ADAMTS16: variants seen among roughly 807,000 people sequenced by gnomAD.
ADAMTS16 encodes ADAM metallopeptidase with thrombospondin type 1 motif 16, also known as A disintegrin and metalloproteinase with thrombospondin motifs 16.
Under a neutral mutation model 145.8 loss-of-function variants are expected in ADAMTS16, and 94 were observed. The ratio of observed to expected loss-of-function variants is 0.64; its 90% confidence interval spans 0.55 to 0.77. ADAMTS16 has a LOEUF of 0.77. Among genes scored for constraint, ADAMTS16 ranks in the 30% least tolerant of loss-of-function variants. The probability of loss-of-function intolerance (pLI) is 0.00; values close to 1 mark genes in which losing one functional copy is unlikely to be tolerated. For missense variants in ADAMTS16, 1,585 were observed against 1,591.5 expected (o/e 1.00, Z 0.07); for synonymous variants, 659 against 604.3 (o/e 1.09, Z -1.33).
At chr5:5,240,049 C>A in intron 16 of ADAMTS16, 124 bp downstream of exon 16, 1 of 1,443,392 alleles carries the variant, frequency 6.9e-7, no homozygotes. Flanking sequence ...GTGATCCATC[C>A]ATAGCCGGAA....
At chr5:5,250,673 C>A (rs1737593329) in intron 17 of ADAMTS16, among the ~76,000 whole-genome samples, 1 of 149,456 alleles carries the variant, frequency 6.7e-6, no homozygotes, top group African/African-American at 2.5e-5. Flanking sequence ...AAGAAAGGTA[C>A]TTGAACTGGT....
At chr5:5,206,574 G>C (rs1187468930) in intron 9 of ADAMTS16, among the ~76,000 whole-genome samples, 1 of 151,388 alleles carries the variant, frequency 6.6e-6, no homozygotes, top group Non-Finnish European at 1.5e-5. Context: ...CTGCCTTCCG[G>C]GTTCAAGCGA....
chr5:5,305,815 G>A (rs965850741), intron 20 of ADAMTS16, among the ~76,000 whole-genome samples: 2 of 152,184 alleles, frequency 1.3e-5, no homozygotes, highest in Non-Finnish European at 2.9e-5. Context: ...GCCAGGGGCC[G>A]GGACCTCTGT....
intron 18 of ADAMTS16, among the ~76,000 whole-genome samples, chr5:5,266,795 T>C (rs543488166): frequency 6.6e-6 from 1 of 152,368 alleles, no homozygotes; most frequent in South Asian, 2.1e-4. Context: ...GCTCGTTTAC[T>C]GTCACTCTTA....
chr5:5,140,502 C>A lies in ADAMTS16; in HGVS notation c.35C>A (p.Ala12Glu). 6.6e-7 allele frequency: 1 copy of A among 1,518,836 alleles called. No homozygotes were observed. Among genetic ancestry groups the A allele is most frequent in the East Asian group, 2.6e-5 (1 of 37,882 alleles). The allele number at this position is 1,518,836 out of a possible 1,614,324, so 94.1% of individuals were successfully genotyped here. ...KPRARGWRGL[A>E]ALWMLLAQVA... ...CGCGCGCGCGGATGGCGGGGCTTGG[C>A]GGCGCTGTGGATGCTGTTGGCGCAG... The change falls in exon 1 of 23, where the codon GCG becomes GAG. Residue 12 changes from alanine (A) to glutamate (E), a missense_variant. Coordinates refer to ENST00000274181, the MANE Select transcript of ADAMTS16 (RefSeq NM_139056.4).
In ADAMTS16 at chr5:5,146,133, A is replaced by G. The variant is rs1734286145; in HGVS notation, c.179A>G (p.Tyr60Cys). Residue 60 changes from tyrosine (Y) to cysteine (C), a missense_variant, in exon 3 of 23, where the codon TAT becomes TGT. By Grantham distance (194) the Tyr-to-Cys change is radical (BLOSUM62 -2). Transcript: ENST00000274181. ...ERPGWMEKGE[Y>C]DLVSAYEVDH... ...CTGCTCACTCTTTTGATTTCAGAATATGACCTGGTCTCTGCCTACGAGGTT... is the reference window on the plus strand; with the variant it reads ...CTGCTCACTCTTTTGATTTCAGAATGTGACCTGGTCTCTGCCTACGAGGTT... 1 of 1,611,702 alleles carries G rather than the reference A, an allele frequency of 6.2e-7. No homozygotes were observed. Among genetic ancestry groups the G allele is most frequent in the Non-Finnish European group, 8.5e-7 (1 of 1,178,022 alleles).
chr5:5,205,824 T>C (rs967478403), intron 9 of ADAMTS16, among the ~76,000 whole-genome samples: 2 of 152,250 alleles, frequency 1.3e-5, no homozygotes, highest in African/African-American at 4.8e-5. Context: ...ATTGTAAGTG[T>C]TATTTATATG....
At chr5:5,305,541 T>TACACAC (rs113675807) in intron 20 of ADAMTS16, among the ~76,000 whole-genome samples, 2 of 115,528 alleles carry the variant, frequency 1.7e-5, no homozygotes, top group Non-Finnish European at 3.8e-5. Context: ...TCCCACACCA[T>TACACAC]ACACACACAC....
intron 18 of ADAMTS16, among the ~76,000 whole-genome samples, chr5:5,295,298 A>G (rs558738106): frequency 1.3e-5 from 2 of 152,364 alleles, no homozygotes; most frequent in African/African-American, 4.8e-5. Context: ...CTAATTTGAC[A>G]GCAGTGCTGT....
At position 5,156,817 on chromosome 5, in the gene ADAMTS16, T is replaced by C. The variant is rs1381104420; in HGVS notation, c.501+10362T>C. Among the ~76,000 whole-genome samples the C allele has an allele frequency of 2.0e-5, 3 of 152,192 alleles. No homozygotes were observed. In the East Asian group the frequency reaches 5.8e-4, roughly 29 times the overall value. On this transcript the variant is annotated intron_variant, in intron 3 of 22. Coordinates refer to ENST00000274181, the MANE Select transcript of ADAMTS16 (RefSeq NM_139056.4). ...GAAGGAGAAGTTAGGGTATATCTTCTAGAGGCCTGAGGCCAGACTCTGTAT... is the reference window on the plus strand; with the variant it reads ...GAAGGAGAAGTTAGGGTATATCTTCCAGAGGCCTGAGGCCAGACTCTGTAT...
At chr5:5,206,623 A>T (rs1430835677) in intron 9 of ADAMTS16, among the ~76,000 whole-genome samples, 4 of 151,040 alleles carry the variant, frequency 2.6e-5, no homozygotes, top group Non-Finnish European at 5.9e-5. Context: ...GGGATTACAG[A>T]TGCACACCAC....
chr5:5,185,997 C>T, intron 4 of ADAMTS16, 55 bp from the exon 5 acceptor site: 1 of 1,489,382 alleles, frequency 6.7e-7, no homozygotes, highest in Non-Finnish European at 9.2e-7. Flanking sequence ...GAGTTACGGC[C>T]CTGATTTTGT....
intron 21 of ADAMTS16, among the ~76,000 whole-genome samples, chr5:5,312,095 G>T (rs1216143663): frequency 6.6e-6 from 1 of 152,042 alleles, no homozygotes; most frequent in Non-Finnish European, 1.5e-5. Context: ...AGAATGTTTG[G>T]TCCCAGTCCC....
At chr5:5,197,472 A>T (rs1023563642) in intron 8 of ADAMTS16, among the ~76,000 whole-genome samples, 3 of 152,214 alleles carry the variant, frequency 2.0e-5, no homozygotes, top group Non-Finnish European at 4.4e-5. Flanking sequence ...TGTCAAGTCC[A>T]CTGGCAGTGG....
chr5:5,278,901 C>A (rs57011473), intron 18 of ADAMTS16, among the ~76,000 whole-genome samples: 90,900 of 151,714 alleles, frequency 0.6, 27,750 homozygotes, highest in Middle Eastern at 0.71. Context: ...GGGAAAAAAC[C>A]AATAAAAAAC....
intron 18 of ADAMTS16, among the ~76,000 whole-genome samples, chr5:5,275,886 C>G (rs1006613382): frequency 6.7e-6 from 1 of 149,084 alleles, no homozygotes; most frequent in Non-Finnish European, 1.5e-5. Flanking sequence ...TTTAAGACGG[C>G]GTCGTACTCT....
intron 3 of ADAMTS16, among the ~76,000 whole-genome samples, chr5:5,173,375 T>C (rs772798972): frequency 1.4e-4 from 22 of 152,218 alleles, no homozygotes; most frequent in Non-Finnish European, 2.4e-4. Flanking sequence ...CTCTGTGGTA[T>C]GTTTGAATTT....
At chr5:5,208,266 T>C (rs1477248770) in intron 9 of ADAMTS16, among the ~76,000 whole-genome samples, 4 of 152,144 alleles carry the variant, frequency 2.6e-5, no homozygotes, top group Non-Finnish European at 5.9e-5. Flanking sequence ...CAGAGCCAAG[T>C]TTGGAGGATG....
chr5:5,233,304 T>C (rs1227435968), intron 12 of ADAMTS16, among the ~76,000 whole-genome samples: 1 of 152,196 alleles, frequency 6.6e-6, no homozygotes, highest in East Asian at 1.9e-4. Flanking sequence ...ATCACCAGTG[T>C]GCGGAAGTGA....
Sources: gnomAD v4.1 joint callset for allele counts (sites outside exome capture counted in the v4.1 genomes callset) on GRCh38, gnomAD v4.1.1 for gene constraint, MANE v1.5 for transcripts, NCBI Gene and HGNC (gene_info 2026-07-23, HGNC 2026-07-21) for gene names.